Variants in ELOVL6 observed in about 807,000 individuals in gnomAD.
The protein encoded by ELOVL6 is very long chain fatty acid elongase 6.
Under a neutral mutation model 31.7 loss-of-function variants are expected in ELOVL6, and 8 were observed. The ratio of observed to expected loss-of-function variants is 0.25; its 90% CI spans 0.15 to 0.45. The LOEUF (loss-of-function observed/expected upper bound fraction) is 0.45, where lower values mean the gene tolerates loss of function less well. Ranked by LOEUF, ELOVL6 falls within the 20% of genes least tolerant of loss-of-function variation. The pLI is 1.00. For synonymous variants in ELOVL6, 101 were observed against 117.7 expected (o/e 0.86, Z 0.92); for missense variants, 126 against 326.4 (o/e 0.39, Z 4.73).
intron 2 of ELOVL6, among the ~76,000 whole-genome samples, chr4:110,068,872 A>G (rs72898536): frequency 0.011 from 1,690 of 152,276 alleles, 30 homozygotes; most frequent in African/African-American, 0.038. Context: ...GCTGGGGTCC[A>G]TGGCTCACGC....
intron 2 of ELOVL6, among the ~76,000 whole-genome samples, chr4:110,084,035 G>GTCA (rs1560813644): frequency 0.022 from 166 of 7,408 alleles, 18 homozygotes; most frequent in East Asian, 0.056. Flanking sequence ...GCCATATATG[G>GTCA]TATATAACAC....
intron 1 of ELOVL6, among the ~76,000 whole-genome samples, chr4:110,167,675 ATG>A (rs1234114155): frequency 1.2e-4 from 18 of 149,942 alleles, no homozygotes; most frequent in African/African-American, 4.5e-4. Flanking sequence ...GTATGTATGT[ATG>A]TATGTATGTA....
At chr4:110,197,036 G>A (rs1011145812) in intron 1 of ELOVL6, among the ~76,000 whole-genome samples, 1 of 152,226 alleles carries the variant, frequency 6.6e-6, no homozygotes, top group African/African-American at 2.4e-5. Context: ...CAGGCGCGCC[G>A]GCGTTTCTGG....
intron 1 of ELOVL6, among the ~76,000 whole-genome samples, chr4:110,168,972 TTTTC>T (rs1392579016): frequency 2.6e-5 from 4 of 152,306 alleles, no homozygotes; most frequent in African/African-American, 7.2e-5. Flanking sequence ...TTAAATGTTA[TTTTC>T]TTTGAGAAAG....
chr4:110,081,536 T>G (rs1016565727), intron 2 of ELOVL6, among the ~76,000 whole-genome samples: 5 of 151,822 alleles, frequency 3.3e-5, no homozygotes, highest in African/African-American at 1.2e-4. Flanking sequence ...AACTGGCTAG[T>G]CATATGTATA....
intron 2 of ELOVL6, among the ~76,000 whole-genome samples, chr4:110,070,629 G>C (rs1755443985): frequency 1.3e-5 from 2 of 152,168 alleles, no homozygotes; most frequent in Non-Finnish European, 2.9e-5. Flanking sequence ...CAGTGTTGGA[G>C]GAGGGGCCTG....
intron 1 of ELOVL6, among the ~76,000 whole-genome samples, chr4:110,128,577 G>C (rs1757578961): frequency 6.6e-6 from 1 of 152,146 alleles, no homozygotes; most frequent in African/African-American, 2.4e-5. Context: ...TCCTGCATCT[G>C]TACCCTCCCA....
chr4:110,104,299 G>A (rs1463524766), intron 2 of ELOVL6, among the ~76,000 whole-genome samples: 1 of 152,152 alleles, frequency 6.6e-6, no homozygotes, highest in Non-Finnish European at 1.5e-5. Flanking sequence ...ATATTATAGA[G>A]AATCATGATC....
chr4:110,103,171 T>C (rs1756798576), intron 2 of ELOVL6, among the ~76,000 whole-genome samples: 1 of 152,192 alleles, frequency 6.6e-6, no homozygotes, highest in Non-Finnish European at 1.5e-5. Context: ...CCTCTTTTTC[T>C]TCCCAGTTTC....
At chr4:110,183,615 T>A (rs1322493201) in intron 1 of ELOVL6, among the ~76,000 whole-genome samples, 2 of 152,148 alleles carry the variant, frequency 1.3e-5, no homozygotes, top group African/African-American at 4.8e-5. Context: ...CAGATCTATT[T>A]TTTTTTTACC....
intron 2 of ELOVL6, among the ~76,000 whole-genome samples, chr4:110,084,037 A>G (rs1180043358): frequency 1.5e-4 from 3 of 20,394 alleles, no homozygotes; most frequent in Non-Finnish European, 4.0e-4. Flanking sequence ...CATATATGGT[A>G]TATAACACAT....
At position 110,198,541 on chromosome 4, in the gene ELOVL6, T is replaced by C. The variant is rs1759890814; in HGVS notation, c.-206A>G. 1.9e-6 allele frequency: 1 copy of C among 530,492 alleles called. No individual in the cohort carries two copies. Among genetic ancestry groups the C allele is most frequent in the African/African-American group, 2.0e-5 (1 of 49,764 alleles). 32.9% of individuals were successfully genotyped at this position (530,492 alleles called of 1,614,324 possible). On this transcript the variant is annotated 5_prime_UTR_variant, in exon 1 of 4. Coordinates refer to ENST00000302274, the MANE Select transcript of ELOVL6 (RefSeq NM_024090.3). Reference sequence around the variant, plus strand: ...CATTGCCTGCGCCTCCGCTCCCAGCTCCTCTCTCTGGGGCTCTCCTCCTCC... The same window carrying C: ...CATTGCCTGCGCCTCCGCTCCCAGCCCCTCTCTCTGGGGCTCTCCTCCTCC...
chr4:110,166,299 A>G (rs779930619), intron 1 of ELOVL6, among the ~76,000 whole-genome samples: 1 of 152,168 alleles, frequency 6.6e-6, no homozygotes, highest in Non-Finnish European at 1.5e-5. Context: ...TTCTTTTCAG[A>G]TAACAAGAAT....
chr4:110,171,056 A>G (rs1037858033), intron 1 of ELOVL6, among the ~76,000 whole-genome samples: 4 of 152,168 alleles, frequency 2.6e-5, no homozygotes, highest in African/African-American at 9.6e-5. Context: ...GGAATGTGAC[A>G]CACAGGCCAA....
At chr4:110,152,767 T>C (rs972285836) in intron 1 of ELOVL6, among the ~76,000 whole-genome samples, 4 of 152,244 alleles carry the variant, frequency 2.6e-5, no homozygotes, top group African/African-American at 9.6e-5. Flanking sequence ...ATATAGTGTA[T>C]GTGAGTGTGT....
chr4:110,158,081 T>C (rs1758505897), intron 1 of ELOVL6, among the ~76,000 whole-genome samples: 1 of 152,236 alleles, frequency 6.6e-6, no homozygotes, highest in South Asian at 2.1e-4. Context: ...AATTATGCTT[T>C]AACACATGGT....
At chr4:110,107,906 T>G (rs774679928) in intron 1 of ELOVL6, among the ~76,000 whole-genome samples, 14 of 152,178 alleles carry the variant, frequency 9.2e-5, no homozygotes, top group Non-Finnish European at 1.6e-4. Context: ...AGTATTATCT[T>G]TATTTCATAA....
chr4:110,124,083 T>C (rs886549267), intron 1 of ELOVL6, among the ~76,000 whole-genome samples: 3 of 152,200 alleles, frequency 2.0e-5, no homozygotes, highest in Non-Finnish European at 2.9e-5. Context: ...CGGTAAAGTC[T>C]TGAATTAAAA....
intron 3 of ELOVL6, among the ~76,000 whole-genome samples, chr4:110,059,394 A>G (rs2126222089): frequency 6.6e-6 from 1 of 152,256 alleles, no homozygotes; most frequent in Non-Finnish European, 1.5e-5. Flanking sequence ...TAAACTATCT[A>G]CTCTTAATAT....
Sources: allele counts gnomAD v4.1 joint callset (sites outside exome capture counted in the v4.1 genomes callset), GRCh38; gene constraint gnomAD v4.1.1; transcripts MANE v1.5; gene names NCBI Gene and HGNC (gene_info 2026-07-23, HGNC 2026-07-21).